The following TNRC6A variants were observed in gnomAD, a reference collection of about 807,000 sequenced individuals.
TNRC6A encodes trinucleotide repeat containing adaptor 6A.
In TNRC6A, 44 loss-of-function variants were observed where a neutral mutation model predicts 221.2. The ratio of observed to expected loss-of-function variants is 0.20; its 90% CI spans 0.16 to 0.26. The LOEUF (loss-of-function observed/expected upper bound fraction) is 0.26. Ranked by LOEUF, TNRC6A falls within the 10% of genes least tolerant of loss-of-function variation. The pLI, the probability that TNRC6A is intolerant of heterozygous loss-of-function variation, is 1.00. For synonymous variants in TNRC6A, 847 were observed against 838.5 expected (o/e 1.01, Z -0.18); for missense variants, 2,199 against 2,404.4 (o/e 0.91, Z 1.79).
chr16:24,676,590 G>C (rs1222367233), intron 2 of TNRC6A, among the ~76,000 whole-genome samples: 2 of 152,122 alleles, frequency 1.3e-5, no homozygotes, highest in Non-Finnish European at 2.9e-5. Flanking sequence ...TGAGTAGCTG[G>C]GACTCAGGCA....
At chr16:24,663,768 C>T in intron 2 of TNRC6A, 1 of 361,350 alleles carries the variant, frequency 2.8e-6, no homozygotes, top group Non-Finnish European at 5.5e-6. Flanking sequence ...GGATCAGTTA[C>T]CCAGTGTCCA....
rs77279618 is a variant in TNRC6A, at chr16:24,806,814, C to G, written c.4540+30C>G. 159 of 1,606,852 alleles carry G rather than the reference C, an allele frequency of 9.9e-5. No homozygotes were observed. The East Asian group carries it at 3.3e-3, about 34-fold the overall frequency. ...GTTTCTCCTTGGCCCAAGTATTGGA[C>G]TGATGCTTAGGTATCACAGGCGTGC... is the stretch of plus-strand genomic sequence containing the variant. On this transcript the variant is annotated intron_variant, in intron 17 of 24. Coordinates refer to ENST00000395799, the MANE Select transcript of TNRC6A (RefSeq NM_014494.4).
intron 2 of TNRC6A, among the ~76,000 whole-genome samples, chr16:24,649,407 C>T (rs767640494): frequency 3.9e-5 from 6 of 152,136 alleles, no homozygotes; most frequent in Non-Finnish European, 7.3e-5. Flanking sequence ...CTCCTGGGCT[C>T]AAGCCATCTT....
intron 2 of TNRC6A, among the ~76,000 whole-genome samples, chr16:24,677,700 A>G (rs1366749331): frequency 6.6e-6 from 1 of 152,052 alleles, no homozygotes; most frequent in East Asian, 1.9e-4. Flanking sequence ...AGTAAACTCC[A>G]TGAGGGTTTG....
intron 20 of TNRC6A, among the ~76,000 whole-genome samples, chr16:24,817,176 TC>T (rs1264696818): frequency 6.6e-6 from 1 of 152,204 alleles, no homozygotes; most frequent in Non-Finnish European, 1.5e-5. Context: ...TTCTCTCTGT[TC>T]CCATAGGTGG....
intron 5 of TNRC6A, among the ~76,000 whole-genome samples, chr16:24,778,894 G>C (rs1300308281): frequency 1.3e-5 from 2 of 152,096 alleles, no homozygotes; most frequent in Non-Finnish European, 2.9e-5. Context: ...AAAAACTTCG[G>C]GAGAGGTTAG....
At chr16:24,772,327 C>T (rs981403836) in intron 4 of TNRC6A, among the ~76,000 whole-genome samples, 6 of 152,070 alleles carry the variant, frequency 3.9e-5, no homozygotes, top group South Asian at 4.2e-4. Context: ...AATTTAAATG[C>T]GATTAGATTT....
At chr16:24,755,084 G>A (rs1156902766) in intron 3 of TNRC6A, among the ~76,000 whole-genome samples, 4 of 152,094 alleles carry the variant, frequency 2.6e-5, no homozygotes, top group Non-Finnish European at 5.9e-5. Flanking sequence ...TTACAGTCTT[G>A]CCCCTCATTG....
At chr16:24,628,118 A>G (rs1901128304) in intron 1 of TNRC6A, among the ~76,000 whole-genome samples, 1 of 151,520 alleles carries the variant, frequency 6.6e-6, no homozygotes, top group South Asian at 2.1e-4. Context: ...TTATACATGG[A>G]TTGTTTTCAA....
At chr16:24,632,175 A>G (rs1311631367) in intron 1 of TNRC6A, among the ~76,000 whole-genome samples, 3 of 152,080 alleles carry the variant, frequency 2.0e-5, no homozygotes, top group African/African-American at 7.2e-5. Context: ...AAAGTCTCAT[A>G]TCTGTAAATA....
intron 2 of TNRC6A, among the ~76,000 whole-genome samples, chr16:24,711,259 C>T (rs1006378929): frequency 8.5e-5 from 13 of 152,160 alleles, no homozygotes; most frequent in African/African-American, 3.1e-4. Context: ...CATCCCGCCT[C>T]GGCCTCCCAA....
At chr16:24,653,007 A>G (rs1451547804) in intron 2 of TNRC6A, among the ~76,000 whole-genome samples, 2 of 152,208 alleles carry the variant, frequency 1.3e-5, no homozygotes, top group African/African-American at 4.8e-5. Flanking sequence ...GCTTCTTGGG[A>G]GCATTTGCTT....
intron 3 of TNRC6A, among the ~76,000 whole-genome samples, chr16:24,756,602 T>C (rs1170215154): frequency 6.6e-6 from 1 of 152,224 alleles, no homozygotes; most frequent in Non-Finnish European, 1.5e-5. Flanking sequence ...AAAGGAGTTG[T>C]ATAGCATATA....
intron 2 of TNRC6A, among the ~76,000 whole-genome samples, chr16:24,748,956 G>A (rs1456443944): frequency 6.6e-6 from 1 of 151,986 alleles, no homozygotes; most frequent in Non-Finnish European, 1.5e-5. Flanking sequence ...CTCACTGCAA[G>A]CTCCACCTCC....
At chr16:24,738,200 T>A (rs2056813551) in intron 2 of TNRC6A, among the ~76,000 whole-genome samples, 1 of 152,238 alleles carries the variant, frequency 6.6e-6, no homozygotes, top group Admixed American at 6.5e-5. Flanking sequence ...TTTAGCACTG[T>A]CCCTTCCACC....
At position 24,688,474 on chromosome 16, in the gene TNRC6A, G is replaced by A. The variant is rs150738157; in HGVS notation, n.402+47465G>A. On this transcript the variant is annotated intron_variant and non_coding_transcript_variant, in intron 2 of 2. Coordinates refer to the TNRC6A transcript ENST00000566108. ...CCTCCAGGGAAGCAGGAAAAGTGTG[G>A]AGTCTGATAGATAAAAACCAATTCT... Among the ~76,000 whole-genome samples the A allele has an allele frequency of 1.4e-3, 213 of 152,280 alleles. 1 individual carries two copies. The highest frequency in any genetic ancestry group is 5.0e-3 in the African/African-American group (207 of 41,556).
intron 9 of TNRC6A, among the ~76,000 whole-genome samples, chr16:24,796,625 C>A (rs2058224574): frequency 6.6e-6 from 1 of 152,186 alleles, no homozygotes; most frequent in Non-Finnish European, 1.5e-5. Context: ...TCAAAGCCAA[C>A]TTCAGAATCT....
rs544273239 is a variant in TNRC6A at position 24,818,680 on chromosome 16, G to A, written c.5060G>A (p.Ser1687Asn). ...RASNYNVPLS[S>N]TAQSTSARNS... ...TCCAACTACAACGTTCCCCTCAGCA[G>A]TACAGCACAAAGCACTTCAGGTGGG... Residue 1687 changes from serine to asparagine, a missense_variant, in exon 21 of 25, where the codon AGT becomes AAT. By Grantham distance (46) the Ser-to-Asn change is conservative. Around this residue, in one of 8 missense-constraint regions of TNRC6A, gnomAD observed 449 missense variants for 579.7 expected, o/e 0.77. Coordinates refer to ENST00000395799, the MANE Select transcript of TNRC6A (RefSeq NM_014494.4). 1.2e-5 allele frequency: 20 copies of A among 1,614,034 alleles called. No individual in the cohort carries two copies. The highest frequency in any genetic ancestry group is 1.7e-5 in the Non-Finnish European group (20 of 1,180,002).
intron 2 of TNRC6A, among the ~76,000 whole-genome samples, chr16:24,742,139 C>T (rs999352767): frequency 2.0e-5 from 3 of 152,184 alleles, no homozygotes; most frequent in African/African-American, 7.2e-5. Context: ...CCTAGTCCCA[C>T]TGTACACTTT....
Sources: gnomAD v4.1 joint callset for allele counts (sites outside exome capture counted in the v4.1 genomes callset) on GRCh38, gnomAD v4.1.1 for gene constraint, gnomAD v4.1.1 regional missense constraint, MANE v1.5 for transcripts, NCBI Gene and HGNC (gene_info 2026-07-23, HGNC 2026-07-21) for gene names.